SLC16A7: variants seen among roughly 807,000 people sequenced by gnomAD.
The protein encoded by SLC16A7 is monocarboxylate transporter 2.
Under a neutral mutation model 34.9 loss-of-function variants are expected in SLC16A7, and 33 were observed. The observed-to-expected ratio is 0.94, with a 90% CI of 0.72 to 1.26. The LOEUF (loss-of-function observed/expected upper bound fraction) is 1.26. SLC16A7 is among the 50% of genes most tolerant of loss of function. The probability of loss-of-function intolerance (pLI) is 0.00; values close to 1 mark genes in which losing one functional copy is unlikely to be tolerated. For missense variants in SLC16A7, 573 were observed against 578.1 expected (o/e 0.99, Z 0.09); for synonymous variants, 201 against 206.6 (o/e 0.97, Z 0.23).
At position 59,640,070 on chromosome 12, in the gene SLC16A7, C is replaced by T. The variant is rs533799237; in HGVS notation, c.-129-15082C>T. Reference sequence around the variant, plus strand: ...AGGATATAACTCAGAAATAGTCACACGGAATTGGTGCACAGGACATGGTGT... The same window carrying T: ...AGGATATAACTCAGAAATAGTCACATGGAATTGGTGCACAGGACATGGTGT... On this transcript the variant is annotated intron_variant, in intron 1 of 5. Coordinates refer to ENST00000547379, the MANE Select transcript of SLC16A7 (RefSeq NM_001270623.2). 4.6e-5 allele frequency among the ~76,000 whole-genome samples: 7 copies of T among 152,176 alleles called. No individual in the cohort carries two copies. In the East Asian group the frequency reaches 5.8e-4, roughly 13 times the overall value.
At chr12:59,738,198 G>T (rs1877827287) in intron 3 of SLC16A7, among the ~76,000 whole-genome samples, 1 of 152,124 alleles carries the variant, frequency 6.6e-6, no homozygotes, top group South Asian at 2.1e-4. Context: ...TTTCAGTTTT[G>T]ATTTGGAGAA....
Position 59,728,446 on chromosome 12 carries a change from G to A in SLC16A7, c.217+23428G>A, listed in dbSNP as rs1214244073. ...CTAAGATGGCAAATGATCAATATGA[G>A]TTTGCCCCTGGGAGATGGATATGCT... On this transcript the variant is annotated intron_variant, in intron 3 of 5. Transcript: ENST00000547379. 2.0e-5 allele frequency among the ~76,000 whole-genome samples: 3 copies of A among 152,208 alleles called. No individual in the cohort carries two copies. The East Asian group carries it at 5.8e-4, about 29-fold the overall frequency.
At chr12:59,623,651 TTC>T (rs1357610168) in intron 1 of SLC16A7, among the ~76,000 whole-genome samples, 3 of 151,888 alleles carry the variant, frequency 2.0e-5, no homozygotes, top group African/African-American at 7.2e-5. Context: ...ATCTAATTAA[TTC>T]TGTTTTATTT....
chr12:59,737,738 G>T (rs1877763387), intron 3 of SLC16A7, among the ~76,000 whole-genome samples: 1 of 152,078 alleles, frequency 6.6e-6, no homozygotes, highest in Non-Finnish European at 1.5e-5. Context: ...ATTTTCCCTA[G>T]CTCTGAACCA....
intron 2 of SLC16A7, among the ~76,000 whole-genome samples, chr12:59,682,527 A>G (rs1366441371): frequency 6.6e-6 from 1 of 152,164 alleles, no homozygotes; most frequent in African/African-American, 2.4e-5. Context: ...TAATTTCAAA[A>G]ATGAAATGTA....
At chr12:59,693,163 A>G (rs1270839371) in intron 2 of SLC16A7, among the ~76,000 whole-genome samples, 1 of 151,958 alleles carries the variant, frequency 6.6e-6, no homozygotes, top group Non-Finnish European at 1.5e-5. Flanking sequence ...TTCTAGAGGA[A>G]TTTATAGTGA....
chr12:59,671,702 G>A (rs965641237), intron 2 of SLC16A7, among the ~76,000 whole-genome samples: 8 of 145,204 alleles, frequency 5.5e-5, no homozygotes, highest in South Asian at 2.1e-4. Context: ...GTGTGTGTGT[G>A]TATATATATA....
At chr12:59,633,796 C>T (rs138722115) in intron 1 of SLC16A7, among the ~76,000 whole-genome samples, 344 of 152,036 alleles carry the variant, frequency 2.3e-3, no homozygotes, top group Admixed American at 3.8e-3. Flanking sequence ...CACTTTAAAA[C>T]CATCAGATCT....
At chr12:59,724,897 T>TA (rs2137218130) in intron 3 of SLC16A7, among the ~76,000 whole-genome samples, 1 of 152,046 alleles carries the variant, frequency 6.6e-6, no homozygotes, top group South Asian at 2.1e-4. Context: ...GAAATGAAGG[T>TA]AATAATAGAA....
At chr12:59,641,281 C>A (rs1880674408) in intron 1 of SLC16A7, among the ~76,000 whole-genome samples, 1 of 152,000 alleles carries the variant, frequency 6.6e-6, no homozygotes. Flanking sequence ...ACAAAGCAGT[C>A]TTTTTAATGT....
intron 2 of SLC16A7, among the ~76,000 whole-genome samples, chr12:59,690,126 C>T (rs1173655551): frequency 2.0e-5 from 3 of 151,990 alleles, no homozygotes; most frequent in Non-Finnish European, 4.4e-5. Flanking sequence ...TCCTCTTTTA[C>T]TGTAGAGCCA....
chr12:59,627,834 A>T (rs1015881990), intron 1 of SLC16A7, among the ~76,000 whole-genome samples: 10 of 151,056 alleles, frequency 6.6e-5, no homozygotes, highest in African/African-American at 2.4e-4. Flanking sequence ...GCCCTAACTC[A>T]TCTCTTTACC....
intron 3 of SLC16A7, among the ~76,000 whole-genome samples, chr12:59,718,796 C>T (rs1404039146): frequency 6.6e-6 from 1 of 152,128 alleles, no homozygotes; most frequent in Non-Finnish European, 1.5e-5. Context: ...ATAATGCCTG[C>T]TTTGCCTTAT....
chr12:59,782,381 T>G lies in SLC16A7; in HGVS notation c.*2702T>G, dbSNP rs1172661574. 6.6e-6 allele frequency: 1 copy of G among 152,232 alleles called. No individual in the cohort carries two copies. Among genetic ancestry groups the G allele is most frequent in the Admixed American group, 6.5e-5 (1 of 15,278 alleles). The allele number at this position is 152,232 out of a possible 1,614,324, so 9.4% of individuals were successfully genotyped here. ...CAAGATTGAGAAAAGTGTATCAACCTAGGATTTTCATTACTATATAGTCAC... is the reference window on the plus strand; with the variant it reads ...CAAGATTGAGAAAAGTGTATCAACCGAGGATTTTCATTACTATATAGTCAC... On this transcript the variant is annotated 3_prime_UTR_variant, in exon 6 of 6. Coordinates refer to ENST00000547379, the MANE Select transcript of SLC16A7 (RefSeq NM_001270623.2).
At chr12:59,617,735 T>G (rs1879519109) in intron 1 of SLC16A7, among the ~76,000 whole-genome samples, 1 of 151,994 alleles carries the variant, frequency 6.6e-6, no homozygotes, top group South Asian at 2.1e-4. Context: ...AATTAATTGT[T>G]GAGACCTAAG....
chr12:59,652,537 G>T (rs1437312877), intron 1 of SLC16A7, among the ~76,000 whole-genome samples: 1 of 151,768 alleles, frequency 6.6e-6, no homozygotes, highest in Non-Finnish European at 1.5e-5. Context: ...TAAAAAGTAT[G>T]ACCATTTAAA....
At chr12:59,663,995 C>T (rs1403186404) in intron 2 of SLC16A7, among the ~76,000 whole-genome samples, 1 of 152,032 alleles carries the variant, frequency 6.6e-6, no homozygotes, top group Non-Finnish European at 1.5e-5. Context: ...AGATATTTCT[C>T]ATCCACTGAT....
chr12:59,616,330 C>A (rs868058327), intron 1 of SLC16A7, among the ~76,000 whole-genome samples: 3 of 151,866 alleles, frequency 2.0e-5, no homozygotes, highest in Admixed American at 6.6e-5. Flanking sequence ...TGACTTTGAG[C>A]AAAAGTAAAG....
chr12:59,736,348 A>G (rs541779845), intron 3 of SLC16A7, among the ~76,000 whole-genome samples: 27 of 152,234 alleles, frequency 1.8e-4, no homozygotes, highest in Non-Finnish European at 2.6e-4. Context: ...CTTGAGTGAA[A>G]TGCTTTAAAT....
Sources: allele counts gnomAD v4.1 joint callset (sites outside exome capture counted in the v4.1 genomes callset), GRCh38; gene constraint gnomAD v4.1.1; transcripts MANE v1.5; gene names NCBI Gene and HGNC (gene_info 2026-07-23, HGNC 2026-07-21).